Variants in STK33 observed in about 807,000 individuals in gnomAD.
STK33 encodes the protein serine/threonine kinase 33.
Under a neutral mutation model 58.0 loss-of-function variants are expected in STK33, and 52 were observed. The ratio of observed to expected loss-of-function variants is 0.90; its 90% CI spans 0.72 to 1.13. STK33 has a LOEUF of 1.13. STK33 is among the 50% of genes most tolerant of loss of function. The probability of loss-of-function intolerance (pLI) is 0.00; values close to 1 mark genes in which losing one functional copy is unlikely to be tolerated. For synonymous variants in STK33, 215 were observed against 200.1 expected (o/e 1.07, Z -0.63); for missense variants, 630 against 604.2 (o/e 1.04, Z -0.45).
At chr11:8,381,529 C>T in the STK33 span, among the ~76,000 whole-genome samples, 3 of 152,228 alleles carry the variant, frequency 2.0e-5, no homozygotes, top group South Asian at 2.1e-4. Context: ...ATCCCACAGG[C>T]GGAAGGTTTA....
the STK33 span, among the ~76,000 whole-genome samples, chr11:8,374,578 T>G: frequency 1.3e-5 from 2 of 152,190 alleles, no homozygotes; most frequent in Non-Finnish European, 2.9e-5. Flanking sequence ...CCAGTGTCTC[T>G]TTTTATAAGG....
intron 14 of STK33, among the ~76,000 whole-genome samples, chr11:8,425,017 T>C (rs1482275178): frequency 8.5e-4 from 121 of 142,362 alleles, no homozygotes; most frequent in Non-Finnish European, 1.6e-3. Flanking sequence ...ATTTTGGCTT[T>C]TGTTGCCATT....
At chr11:8,385,996 G>A in the STK33 span, among the ~76,000 whole-genome samples, 6 of 143,370 alleles carry the variant, frequency 4.2e-5, no homozygotes, top group South Asian at 2.3e-4. Context: ...GGATGGTCTC[G>A]ATCTCTGACC....
At chr11:8,483,219 C>T (rs1226248733) in intron 1 of STK33, among the ~76,000 whole-genome samples, 4 of 152,086 alleles carry the variant, frequency 2.6e-5, no homozygotes, top group East Asian at 3.9e-4. Flanking sequence ...CCTGTGAACA[C>T]GTCAAGGAAA....
chr11:8,540,984 CTCTCTCTCTCTA>C (rs1290496988), intron 1 of STK33, among the ~76,000 whole-genome samples: 3 of 137,518 alleles, frequency 2.2e-5, no homozygotes, highest in Admixed American at 7.1e-5. Flanking sequence ...CTCTCTCTCT[CTCTCTCTCTCTA>C]TATATATATA....
intron 15 of STK33, among the ~76,000 whole-genome samples, chr11:8,397,119 T>A (rs1849495908): frequency 6.6e-6 from 1 of 152,044 alleles, no homozygotes; most frequent in African/African-American, 2.4e-5. Flanking sequence ...GAGTAGTAGT[T>A]CTCCCAGCAC....
At chr11:8,474,076 G>A (rs1949035120) in intron 5 of STK33, among the ~76,000 whole-genome samples, 1 of 151,938 alleles carries the variant, frequency 6.6e-6, no homozygotes, top group African/African-American at 2.4e-5. Flanking sequence ...TCAGGAGGTT[G>A]AGCTAGGAAA....
At chr11:8,339,890 C>T in the STK33 span, among the ~76,000 whole-genome samples, 5 of 152,218 alleles carry the variant, frequency 3.3e-5, no homozygotes, top group African/African-American at 1.2e-4. Flanking sequence ...GGTGAGTCCT[C>T]ACCTCCTCTC....
chr11:8,499,297 T>C (rs1951320791), intron 1 of STK33, among the ~76,000 whole-genome samples: 1 of 152,174 alleles, frequency 6.6e-6, no homozygotes, highest in Non-Finnish European at 1.5e-5. Flanking sequence ...AGAAGACATT[T>C]ATGCAGCCAA....
At chr11:8,384,927 C>T in the STK33 span, among the ~76,000 whole-genome samples, 20 of 152,130 alleles carry the variant, frequency 1.3e-4, no homozygotes, top group Non-Finnish European at 2.5e-4. Flanking sequence ...TACAATCTCT[C>T]GTCTCCACAC....
chr11:8,488,798 A>G (rs1024595982), intron 1 of STK33, among the ~76,000 whole-genome samples: 1 of 152,210 alleles, frequency 6.6e-6, no homozygotes, highest in African/African-American at 2.4e-5. Flanking sequence ...TCAACAAAAA[A>G]TTATGAGATA....
At chr11:8,548,288 G>A (rs1284171996) in intron 1 of STK33, among the ~76,000 whole-genome samples, 1 of 152,010 alleles carries the variant, frequency 6.6e-6, no homozygotes, top group Non-Finnish European at 1.5e-5. Flanking sequence ...TTTTGTATAT[G>A]GTGAGAGATA....
At chr11:8,497,151 G>A (rs1317373597) in intron 1 of STK33, among the ~76,000 whole-genome samples, 1 of 151,926 alleles carries the variant, frequency 6.6e-6, no homozygotes, top group Non-Finnish European at 1.5e-5. Context: ...ATAACCCAAG[G>A]GAGAGAAGAA....
chr11:8,541,555 T>C (rs1386286768), intron 1 of STK33, among the ~76,000 whole-genome samples: 2 of 152,184 alleles, frequency 1.3e-5, no homozygotes, highest in Non-Finnish European at 2.9e-5. Context: ...AACTCCTTAC[T>C]AAATAGCTTT....
intron 1 of STK33, among the ~76,000 whole-genome samples, chr11:8,506,608 A>G (rs967753624): frequency 1.4e-5 from 2 of 143,608 alleles, no homozygotes; most frequent in African/African-American, 5.3e-5. Flanking sequence ...GCCCACCTGG[A>G]TAATCCAGCA....
the STK33 span, among the ~76,000 whole-genome samples, chr11:8,351,327 C>T: frequency 4.6e-5 from 7 of 152,186 alleles, no homozygotes; most frequent in Non-Finnish European, 1.0e-4. Flanking sequence ...TTAATGTCTC[C>T]CCACCCTGCG....
chr11:8,583,898 A>T (rs2030934295), intron 1 of STK33, among the ~76,000 whole-genome samples: 1 of 152,188 alleles, frequency 6.6e-6, no homozygotes, highest in African/African-American at 2.4e-5. Flanking sequence ...TAAAACAGAG[A>T]TAATATGGGA....
chr11:8,479,550 A>G (rs944604866), intron 2 of STK33, among the ~76,000 whole-genome samples: 3 of 151,998 alleles, frequency 2.0e-5, no homozygotes, highest in African/African-American at 7.3e-5. Context: ...CATTATAAGC[A>G]ACCAGAAGCT....
chr11:8,591,421 A>G (rs891504404), intron 1 of STK33, among the ~76,000 whole-genome samples: 3 of 152,242 alleles, frequency 2.0e-5, no homozygotes, highest in African/African-American at 7.2e-5. Context: ...TGGATCATAA[A>G]GGAAAAGATT....
Sources: gnomAD v4.1 joint callset for allele counts (sites outside exome capture counted in the v4.1 genomes callset) on GRCh38, gnomAD v4.1.1 for gene constraint, MANE v1.5 for transcripts, NCBI Gene and HGNC (gene_info 2026-07-23, HGNC 2026-07-21) for gene names.